Variants in EDARADD observed in about 807,000 individuals in gnomAD.
EDARADD encodes ectodysplasin-A receptor-associated adapter protein.
In EDARADD, 20 loss-of-function variants were observed where a neutral mutation model predicts 25.6. The ratio of observed to expected loss-of-function variants is 0.78; its 90% CI spans 0.55 to 1.14. The LOEUF is 1.14. Among genes scored for constraint, EDARADD ranks in the 50% most tolerant of loss-of-function variants. The probability of loss-of-function intolerance (pLI) is 0.00; values close to 1 mark genes in which losing one functional copy is unlikely to be tolerated. For missense variants in EDARADD, 225 were observed against 270.1 expected, an observed-to-expected ratio of 0.83 and a Z score of 1.17; for synonymous variants, 86 against 94.4, an observed-to-expected ratio of 0.91 and a Z score of 0.52.
intron 3 of EDARADD, 95 bp from the exon 4 acceptor site, chr1:236,427,297 G>T: frequency 8.1e-7 from 1 of 1,237,794 alleles, no homozygotes; most frequent in South Asian, 1.4e-5. Context: ...GGCAGCATGT[G>T]ACACTGAACC....
At chr1:236,464,815 C>G (rs1236629869) in intron 4 of EDARADD, among the ~76,000 whole-genome samples, 1 of 152,172 alleles carries the variant, frequency 6.6e-6, no homozygotes, top group Non-Finnish European at 1.5e-5. Flanking sequence ...TCGTTCCTTC[C>G]TCTGCCACTG....
chr1:236,395,554 G>C lies in EDARADD; in HGVS notation c.61+1049G>C. The C allele has an allele frequency of 6.5e-7, 1 of 1,540,904 alleles. No homozygotes were observed. Among genetic ancestry groups the C allele is most frequent in the South Asian group, 1.2e-5 (1 of 83,998 alleles). On this transcript the variant is annotated intron_variant, in intron 1 of 5. Transcript: ENST00000334232. This position sits in a 1 kb window ranked among gnomAD's most constrained non-coding sequence, Gnocchi z 6.9. The stretch of plus-strand genomic sequence containing the variant: ...CGGAACCGCAGGACTTTTCATCCCC[G>C]TGGTCCCACGGTCCTCCCGCGCCCC...
intron 3 of EDARADD, among the ~76,000 whole-genome samples, chr1:236,369,824 C>T (rs181791572): frequency 4.0e-5 from 6 of 151,182 alleles, no homozygotes; most frequent in South Asian, 2.1e-4. Context: ...GCAACAAGAG[C>T]GAAACTCTGT....
At chr1:236,441,362 T>A (rs1658394103) in intron 4 of EDARADD, among the ~76,000 whole-genome samples, 1 of 144,674 alleles carries the variant, frequency 6.9e-6, no homozygotes, top group Admixed American at 7.1e-5. Flanking sequence ...AATATATATT[T>A]ATATATAATA....
In EDARADD at chr1:236,484,305, A is replaced by C; in HGVS notation, c.*1656A>C. On this transcript the variant is annotated 3_prime_UTR_variant, in exon 6 of 6. Coordinates refer to ENST00000334232, the MANE Select transcript of EDARADD (RefSeq NM_145861.4). This position sits in a 1 kb window ranked among gnomAD's most constrained non-coding sequence, Gnocchi z 4.1. Reference sequence around the variant, plus strand: ...TTCTGGGGAGACTGAAAATACCTTCATCACTGACCTGGTGGTGGGGCTGTG... The same window carrying C: ...TTCTGGGGAGACTGAAAATACCTTCCTCACTGACCTGGTGGTGGGGCTGTG... The C allele has an allele frequency of 6.3e-6, 7 of 1,113,330 alleles. No homozygotes were observed. The South Asian group carries it at 8.6e-5, about 14-fold the overall frequency. 69.0% of individuals were successfully genotyped at this position (1,113,330 alleles called of 1,614,324 possible). A position where few individuals can be genotyped will look rare whatever the true frequency, so the allele number is the denominator to read the frequency against.
intron 3 of EDARADD, among the ~76,000 whole-genome samples, chr1:236,378,139 G>A (rs758515225): frequency 2.0e-5 from 3 of 152,120 alleles, no homozygotes; most frequent in Non-Finnish European, 4.4e-5. Flanking sequence ...TGGTTAGAGT[G>A]GGTTGGAGTT....
At chr1:236,433,780 T>C (rs1571932309) in intron 4 of EDARADD, among the ~76,000 whole-genome samples, 2 of 151,752 alleles carry the variant, frequency 1.3e-5, no homozygotes, top group East Asian at 3.9e-4. Context: ...TGAGGCAGGA[T>C]AATTGCTTGA....
intron 1 of EDARADD, among the ~76,000 whole-genome samples, chr1:236,408,787 T>C (rs931238081): frequency 6.6e-6 from 1 of 152,060 alleles, no homozygotes; most frequent in African/African-American, 2.4e-5. Flanking sequence ...GGAGTCTCAC[T>C]CTGTCTCCCA....
intron 3 of EDARADD, among the ~76,000 whole-genome samples, chr1:236,422,141 C>T (rs1341239669): frequency 2.0e-5 from 3 of 152,092 alleles, no homozygotes; most frequent in African/African-American, 7.2e-5. Flanking sequence ...CAGTAACTTA[C>T]ATAGGAGTTT....
intron 3 of EDARADD, among the ~76,000 whole-genome samples, chr1:236,415,910 C>T (rs1454355253): frequency 6.6e-6 from 1 of 152,154 alleles, no homozygotes; most frequent in East Asian, 1.9e-4. Flanking sequence ...ATCCTGGTCA[C>T]CATGGAGGGG....
chr1:236,442,676 A>AGCAT (rs1191013335), intron 4 of EDARADD, among the ~76,000 whole-genome samples: 1 of 152,254 alleles, frequency 6.6e-6, no homozygotes, highest in Non-Finnish European at 1.5e-5. Context: ...ATCTGTTTAT[A>AGCAT]GCATGGTTTA....
At chr1:236,469,887 T>C (rs1355929429) in intron 5 of EDARADD, among the ~76,000 whole-genome samples, 1 of 151,904 alleles carries the variant, frequency 6.6e-6, no homozygotes. Flanking sequence ...TTTTTGTATT[T>C]TTAGTAGAGA....
At chr1:236,422,235 G>A (rs926878156) in intron 3 of EDARADD, among the ~76,000 whole-genome samples, 4 of 152,320 alleles carry the variant, frequency 2.6e-5, no homozygotes, top group Admixed American at 1.3e-4. Context: ...TGGCTTAAGA[G>A]CCTGGCGTTG....
At chr1:236,368,038 G>A (rs1667130521) in intron 3 of EDARADD, among the ~76,000 whole-genome samples, 1 of 151,914 alleles carries the variant, frequency 6.6e-6, no homozygotes, top group South Asian at 2.1e-4. Flanking sequence ...GAGCCCAAGA[G>A]TTTGAGACCA....
chr1:236,441,282 T>TTA (rs924802143), intron 4 of EDARADD, among the ~76,000 whole-genome samples: 8 of 144,336 alleles, frequency 5.5e-5, no homozygotes, highest in East Asian at 2.0e-4. Context: ...TATATATATA[T>TTA]TATATATATA....
intron 4 of EDARADD, among the ~76,000 whole-genome samples, chr1:236,447,478 A>G (rs974405625): frequency 1.3e-5 from 2 of 152,014 alleles, no homozygotes; most frequent in African/African-American, 4.8e-5. Context: ...CTGGTCACAC[A>G]TGTACCTCTT....
intron 5 of EDARADD, among the ~76,000 whole-genome samples, chr1:236,470,545 T>A (rs989229308): frequency 9.8e-5 from 15 of 152,326 alleles, no homozygotes; most frequent in Middle Eastern, 6.8e-3. Context: ...AGGCTTCTGG[T>A]CATCTTCAAA....
intron 3 of EDARADD, among the ~76,000 whole-genome samples, chr1:236,383,205 G>A (rs1055450628): frequency 6.6e-6 from 1 of 151,950 alleles, no homozygotes; most frequent in African/African-American, 2.4e-5. Flanking sequence ...GACCAGCCTG[G>A]CCAACATAGA....
intron 3 of EDARADD, among the ~76,000 whole-genome samples, chr1:236,377,721 G>A (rs1572115689): frequency 1.3e-5 from 2 of 151,856 alleles, no homozygotes; most frequent in Non-Finnish European, 2.9e-5. Context: ...AGCTGGGCAT[G>A]GTGGCGCATG....
Sources: allele counts gnomAD v4.1 joint callset (sites outside exome capture counted in the v4.1 genomes callset), GRCh38; gene constraint gnomAD v4.1.1; non-coding constraint Gnocchi (gnomAD v3.1); transcripts MANE v1.5; gene names NCBI Gene and HGNC (gene_info 2026-07-23, HGNC 2026-07-21).